Variants in IL1RAPL1 observed in about 807,000 individuals in gnomAD.
IL1RAPL1 encodes interleukin-1 receptor accessory protein-like 1.
A neutral mutation model predicts 48.4 loss-of-function variants in IL1RAPL1; 3 were observed. That is an observed-to-expected ratio of 0.06 (90% CI 0.03 to 0.16). The LOEUF (loss-of-function observed/expected upper bound fraction) is 0.16, where lower values mean the gene tolerates loss of function less well. IL1RAPL1 is among the 10% of genes least tolerant of loss of function. The probability of loss-of-function intolerance (pLI) is 1.00; values close to 1 mark genes in which losing one functional copy is unlikely to be tolerated. For synonymous variants in IL1RAPL1, 185 were observed against 187.7 expected, an observed-to-expected ratio of 0.99 and a Z score of 0.12; for missense variants, 349 against 530.6, an observed-to-expected ratio of 0.66 and a Z score of 3.36.
At chrX:29,737,678 C>T (rs1012656876) in intron 6 of IL1RAPL1, among the ~76,000 whole-genome samples, 3 of 111,582 alleles carry the variant, frequency 2.7e-5, no homozygotes, top group Non-Finnish European at 5.7e-5. Flanking sequence ...AACCAAGAGC[C>T]GGGAAGTATC....
intron 6 of IL1RAPL1, among the ~76,000 whole-genome samples, chrX:29,784,722 G>T (rs1265185441): frequency 9.2e-6 from 1 of 109,163 alleles, no homozygotes; most frequent in Non-Finnish European, 1.9e-5. Flanking sequence ...CAGCTGAGAG[G>T]AATGGTTGGA....
chrX:29,114,871 G>A (rs1390077715), intron 2 of IL1RAPL1, among the ~76,000 whole-genome samples: 1 of 110,590 alleles, frequency 9.0e-6, no homozygotes, highest in Non-Finnish European at 1.9e-5. Context: ...CTTGTGATTC[G>A]CCCGCCTCTA....
intron 6 of IL1RAPL1, among the ~76,000 whole-genome samples, chrX:29,780,241 A>G (rs766841655): frequency 7.0e-4 from 78 of 112,046 alleles, no homozygotes; most frequent in Non-Finnish European, 2.3e-4. Flanking sequence ...AGATAAAAGA[A>G]TGATTTTTCC....
chrX:29,459,266 G>A (rs1223646225), intron 5 of IL1RAPL1, among the ~76,000 whole-genome samples: 2 of 112,007 alleles, frequency 1.8e-5, no homozygotes, highest in Non-Finnish European at 3.8e-5. Context: ...TATGAACACT[G>A]AGCATTTCGT....
At chrX:29,644,181 A>T (rs1925251190) in intron 5 of IL1RAPL1, among the ~76,000 whole-genome samples, 1 of 112,508 alleles carries the variant, frequency 8.9e-6, no homozygotes, top group South Asian at 3.7e-4. Flanking sequence ...GTTCTCCATT[A>T]ACCTTGTACT....
chrX:28,849,360 C>A (rs908973280), intron 2 of IL1RAPL1, among the ~76,000 whole-genome samples: 2 of 111,521 alleles, frequency 1.8e-5, no homozygotes, highest in Admixed American at 9.5e-5. Context: ...CGAGAAGCTG[C>A]AAGATTATCA....
At chrX:29,918,145 AT>A (rs1245659083) in intron 7 of IL1RAPL1, among the ~76,000 whole-genome samples, 117 of 15,256 alleles carry the variant, frequency 7.7e-3, no homozygotes, top group Non-Finnish European at 8.6e-3. Context: ...AAAAAAAAAA[AT>A]ATATATATAT....
At chrX:28,719,302 G>A (rs182908370) in intron 1 of IL1RAPL1, among the ~76,000 whole-genome samples, 123 of 110,923 alleles carry the variant, frequency 1.1e-3, no homozygotes, top group African/African-American at 4.0e-3. Context: ...AGTGTAAAGA[G>A]CACTGCACTG....
chrX:29,399,459 T>C lies in IL1RAPL1; in HGVS notation c.703+151T>C, dbSNP rs995774683. 13 of 480,124 alleles carry C rather than the reference T, an allele frequency of 2.7e-5. No individual in the cohort carries two copies. In the African/African-American group the frequency reaches 3.1e-4, roughly 12 times the overall value. 39.6% of individuals were successfully genotyped at this position (480,124 alleles called of 1,213,427 possible). A position where few individuals can be genotyped will look rare whatever the true frequency, so the allele number is the denominator to read the frequency against. ...ATAGGTGAAATTTATTCCTCCTTGC[T>C]TTTGAATCATCTTCCACTGAAGTCC... On this transcript the variant is annotated intron_variant, in intron 5 of 10. Transcript: ENST00000378993.
chrX:28,648,906 G>T (rs760982485), intron 1 of IL1RAPL1, among the ~76,000 whole-genome samples: 2 of 111,693 alleles, frequency 1.8e-5, no homozygotes, highest in Non-Finnish European at 3.8e-5. Context: ...AGGTTAGGGA[G>T]CTTTAGTCCT....
intron 2 of IL1RAPL1, among the ~76,000 whole-genome samples, chrX:29,197,008 T>A (rs1435214641): frequency 1.8e-5 from 2 of 110,610 alleles, no homozygotes; most frequent in East Asian, 5.6e-4. Context: ...CTTTTTCTTT[T>A]AGATACGATT....
chrX:29,308,179 A>G (rs181377854), intron 3 of IL1RAPL1, among the ~76,000 whole-genome samples: 1 of 111,907 alleles, frequency 8.9e-6, no homozygotes, highest in African/African-American at 3.2e-5. Flanking sequence ...GGCTCACATG[A>G]TAACAGCTGA....
At chrX:28,786,611 C>A (rs1029867143) in intron 1 of IL1RAPL1, among the ~76,000 whole-genome samples, 1 of 111,877 alleles carries the variant, frequency 8.9e-6, no homozygotes, top group Non-Finnish European at 1.9e-5. Flanking sequence ...GTTATTTGTT[C>A]CAAATCACAG....
At chrX:28,772,290 C>T in intron 1 of IL1RAPL1, among the ~76,000 whole-genome samples, 1 of 111,608 alleles carries the variant, frequency 9.0e-6, no homozygotes, top group South Asian at 3.8e-4. Context: ...ACATGGTTCT[C>T]TGCATGATGT....
chrX:28,704,831 C>CAAAAAAAA lies in IL1RAPL1; in HGVS notation c.-24-84478_-24-84471dup, dbSNP rs1179973377. Among the ~76,000 whole-genome samples the CAAAAAAAA allele has an allele frequency of 1.3e-3, 38 of 29,640 alleles. 2 individuals are homozygous for CAAAAAAAA. In the East Asian group the frequency reaches 0.024, roughly 19 times the overall value. 25.7% of individuals were successfully genotyped at this position (29,640 alleles called of 115,157 possible). A position where few individuals can be genotyped will look rare whatever the true frequency, so the allele number is the denominator to read the frequency against. On this transcript the variant is annotated intron_variant, in intron 1 of 10. Transcript: ENST00000378993. ...ACACACACACACACACACACACACACAAAAAAAAAAAAAAAAAACTGTGAC... is the reference window on the plus strand; with the variant it reads ...ACACACACACACACACACACACACACAAAAAAAAAAAAAAAAAAAAAAAAAACTGTGAC...
At chrX:29,853,096 C>T (rs1401187181) in intron 6 of IL1RAPL1, among the ~76,000 whole-genome samples, 1 of 108,752 alleles carries the variant, frequency 9.2e-6, no homozygotes, top group Non-Finnish European at 1.9e-5. Context: ...GAGAGAAAAG[C>T]CCCAGACACA....
intron 5 of IL1RAPL1, among the ~76,000 whole-genome samples, chrX:29,624,631 C>T (rs1377407627): frequency 9.2e-6 from 1 of 108,521 alleles, no homozygotes; most frequent in Non-Finnish European, 1.9e-5. Flanking sequence ...CCCAGGAGTT[C>T]GAGACCAGCC....
chrX:29,931,733 C>T (rs1306811746), intron 8 of IL1RAPL1, among the ~76,000 whole-genome samples: 1 of 112,105 alleles, frequency 8.9e-6, no homozygotes, highest in Admixed American at 9.5e-5. Context: ...GGTTCTTTGG[C>T]CAATCCAAAG....
intron 2 of IL1RAPL1, among the ~76,000 whole-genome samples, chrX:29,131,274 G>GTA (rs765489520): frequency 0.023 from 2,367 of 103,597 alleles, 58 homozygotes; most frequent in African/African-American, 0.067. Flanking sequence ...GTGTGTGTGT[G>GTA]TATATATATA....
Sources: gnomAD v4.1 joint callset for allele counts (sites outside exome capture counted in the v4.1 genomes callset) on GRCh38, gnomAD v4.1.1 for gene constraint, MANE v1.5 for transcripts, NCBI Gene and HGNC (gene_info 2026-07-23, HGNC 2026-07-21) for gene names.